The following MGAM variants were observed in gnomAD, a reference collection of about 807,000 sequenced individuals.
The protein encoded by MGAM is maltase-glucoamylase.
In MGAM, 253 loss-of-function variants were observed where a neutral mutation model predicts 358.8. The observed-to-expected ratio is 0.71, with a 90% confidence interval of 0.64 to 0.78. The LOEUF (loss-of-function observed/expected upper bound fraction) is 0.78. Ranked by LOEUF, MGAM falls within the 30% of genes least tolerant of loss-of-function variation. The probability of loss-of-function intolerance (pLI) is 0.00; values close to 1 mark genes in which losing one functional copy is unlikely to be tolerated. For missense variants in MGAM, 3,080 were observed against 3,432.6 expected (o/e 0.90, Z 2.57); for synonymous variants, 1,105 against 1,227.1 (o/e 0.90, Z 2.08).
At chr7:142,091,698 G>C (rs192102471) in intron 57 of MGAM, among the ~76,000 whole-genome samples, 1 of 146,056 alleles carries the variant, frequency 6.8e-6, no homozygotes, top group Non-Finnish European at 1.5e-5. Flanking sequence ...AACAGTTTTT[G>C]GATGTTTTCC....
intron 3 of MGAM, among the ~76,000 whole-genome samples, chr7:142,013,719 A>G (rs1386071059): frequency 1.3e-5 from 2 of 152,192 alleles, no homozygotes; most frequent in African/African-American, 2.4e-5. Context: ...TGCTTACTAC[A>G]GAAAATGTGT....
chr7:142,097,377 A>G (rs1816019923), intron 65 of MGAM, among the ~76,000 whole-genome samples: 1 of 152,202 alleles, frequency 6.6e-6, no homozygotes, highest in Admixed American at 6.5e-5. Context: ...CTGGGTACCA[A>G]AGTGCTTTAT....
intron 8 of MGAM, among the ~76,000 whole-genome samples, chr7:142,026,040 G>C (rs1806933070): frequency 6.6e-6 from 1 of 152,238 alleles, no homozygotes; most frequent in African/African-American, 2.4e-5. Flanking sequence ...AAGGCCACAA[G>C]ATCCTAGATA....
chr7:142,026,655 T>C (rs1554461049), intron 8 of MGAM, among the ~76,000 whole-genome samples: 2 of 152,196 alleles, frequency 1.3e-5, no homozygotes, highest in Non-Finnish European at 2.9e-5. Flanking sequence ...CTGGGAATGG[T>C]GCCTGTTGTC....
intron 2 of MGAM, among the ~76,000 whole-genome samples, chr7:141,988,365 C>T (rs1247989965): frequency 6.7e-6 from 1 of 148,304 alleles, no homozygotes; most frequent in Admixed American, 6.7e-5. Context: ...AAGTTGTTGT[C>T]GTTTTTTGTT....
chr7:142,070,613 A>T (rs901655628), intron 43 of MGAM, among the ~76,000 whole-genome samples: 3 of 145,744 alleles, frequency 2.1e-5, no homozygotes, highest in African/African-American at 7.3e-5. Flanking sequence ...GGATAGCCCC[A>T]TCGCCAGAGA....
chr7:142,055,800 T>C (rs1811463580), intron 28 of MGAM, 74 bp downstream of exon 28: 7 of 1,591,524 alleles, frequency 4.4e-6, no homozygotes, highest in Non-Finnish European at 6.0e-6. Context: ...GGCTTCATCT[T>C]CCCAAACTCC....
chr7:141,994,189 T>A (rs971439371), upstream of MGAM, among the ~76,000 whole-genome samples: 1 of 152,178 alleles, frequency 6.6e-6, no homozygotes, highest in Non-Finnish European at 1.5e-5. Context: ...GAATTAATTC[T>A]AAGAGGGGTT....
At chr7:142,007,130 T>C (rs1409049746) in intron 2 of MGAM, among the ~76,000 whole-genome samples, 4 of 152,162 alleles carry the variant, frequency 2.6e-5, no homozygotes, top group Non-Finnish European at 5.9e-5. Flanking sequence ...TTCAAATTGA[T>C]GTCTTATCTT....
intron 21 of MGAM, among the ~76,000 whole-genome samples, chr7:142,046,042 A>AT (rs1810336287): frequency 9.8e-6 from 1 of 102,194 alleles, no homozygotes; most frequent in African/African-American, 5.2e-5. Context: ...TATATATTAT[A>AT]TATACATACA....
At chr7:142,012,186 T>G (rs1254067756) in intron 3 of MGAM, among the ~76,000 whole-genome samples, 1 of 152,222 alleles carries the variant, frequency 6.6e-6, no homozygotes, top group African/African-American at 2.4e-5. Context: ...CCACCTTTTT[T>G]GTTCACAACA....
chr7:142,078,363 A>G lies in MGAM; in HGVS notation c.5539A>G (p.Thr1847Ala), dbSNP rs1443611857. The G allele has an allele frequency of 6.6e-7, 1 of 1,512,322 alleles. No individual in the cohort carries two copies. Among genetic ancestry groups the G allele is most frequent in the Non-Finnish European group, 9.0e-7 (1 of 1,108,446 alleles). The allele number at this position is 1,512,322 out of a possible 1,614,324, so 93.7% of individuals were successfully genotyped here. The stretch of plus-strand genomic sequence containing the variant: ...CAATCTTTTCCTGGGAGAAGCATAC[A>G]CAGTGGAGTGGAGCATAAAGATAAG... ...DINLFLGEAYTVEWSIKIRDE... is the reference protein window; with the variant it reads ...DINLFLGEAYAVEWSIKIRDE... Residue 1847 changes from threonine to alanine, a missense_variant, in exon 48 of 71, where the codon ACA becomes GCA. By Grantham distance (58) the Thr-to-Ala change is moderately conservative. This residue lies in a region of MGAM where 932 missense variants were observed against 1,198.2 expected (regional missense o/e 0.78). Coordinates refer to ENST00000475668, the MANE Select transcript of MGAM (RefSeq NM_001365693.1).
At chr7:142,042,514 T>A (rs1396652185) in intron 21 of MGAM, among the ~76,000 whole-genome samples, 1 of 18,594 alleles carries the variant, frequency 5.4e-5, no homozygotes, top group East Asian at 3.2e-3. Context: ...ATAATATATA[T>A]TATATATACA....
chr7:142,027,342 T>A, intron 9 of MGAM, 115 bp downstream of exon 9: 1 of 877,748 alleles, frequency 1.1e-6, no homozygotes, highest in Non-Finnish European at 1.8e-6. Flanking sequence ...AAATTTGAGA[T>A]ATTAAAGAAC....
intron 23 of MGAM, 95 bp from the exon 24 acceptor site, chr7:142,050,602 G>A: frequency 7.9e-7 from 1 of 1,269,922 alleles, no homozygotes. Flanking sequence ...TATGGCAGTG[G>A]GGGGTATCCG....
intron 2 of MGAM, among the ~76,000 whole-genome samples, chr7:141,990,360 C>T (rs1470893066): frequency 6.6e-6 from 1 of 152,180 alleles, no homozygotes; most frequent in Non-Finnish European, 1.5e-5. Context: ...CCTGTGGATA[C>T]TTAGTCTGCT....
intron 4 of MGAM, among the ~76,000 whole-genome samples, chr7:142,020,064 G>A (rs7357303): frequency 0.065 from 5,175 of 79,304 alleles, 298 homozygotes; most frequent in African/African-American, 0.22. Context: ...GCGAGACTCC[G>A]TCTCAAAAAA....
chr7:142,050,712 A>T lies in MGAM; in HGVS notation c.2653A>T (p.Asn885Tyr). 6.2e-7 allele frequency: 1 copy of T among 1,613,590 alleles called. No homozygotes were observed. Among genetic ancestry groups the T allele is most frequent in the Non-Finnish European group, 8.5e-7 (1 of 1,179,668 alleles). Residue 885 changes from asparagine to tyrosine, a missense_variant, in exon 24 of 71, where the codon AAT (asparagine) becomes TAT (tyrosine). Physicochemically the swap from Asn to Tyr is moderately radical, Grantham distance 143. Around this residue, in one of 5 missense-constraint regions of MGAM, gnomAD observed 1,816 missense variants for 1,840.5 expected, o/e 0.99. Coordinates refer to ENST00000475668, the MANE Select transcript of MGAM (RefSeq NM_001365693.1). ...TGTTTTGCAGAACCGCTTGGAGGTG[A>T]ATATTTCACAATCAACCTACAAGGA... ...FSVTQNRLEV[N>Y]ISQSTYKDPN...
At chr7:142,056,273 A>C (rs1811524990) in intron 29 of MGAM, among the ~76,000 whole-genome samples, 177 bp downstream of exon 29, 1 of 152,240 alleles carries the variant, frequency 6.6e-6, no homozygotes, top group African/African-American at 2.4e-5. Flanking sequence ...TCATGTAATA[A>C]GAAGATTTAA....
Sources: allele counts gnomAD v4.1 joint callset (sites outside exome capture counted in the v4.1 genomes callset), GRCh38; gene constraint gnomAD v4.1.1; regional missense constraint gnomAD v4.1.1; transcripts MANE v1.5; gene names NCBI Gene and HGNC (gene_info 2026-07-23, HGNC 2026-07-21).